Variants in NOX3 observed in about 807,000 individuals in gnomAD.
The protein encoded by NOX3 is NADPH oxidase catalytic subunit-like 3.
In NOX3, 74 loss-of-function variants were observed where a neutral mutation model predicts 76.7. The ratio of observed to expected loss-of-function variants is 0.96; its 90% CI spans 0.80 to 1.17. The LOEUF (loss-of-function observed/expected upper bound fraction) is 1.17. Among genes scored for constraint, NOX3 ranks in the 50% most tolerant of loss-of-function variants. The pLI is 0.00. For synonymous variants in NOX3, 263 were observed against 261.1 expected, an observed-to-expected ratio of 1.01 and a Z score of -0.07; for missense variants, 695 against 703.3, an observed-to-expected ratio of 0.99 and a Z score of 0.13.
At chr6:155,416,907 C>CG (rs1294998380) in intron 10 of NOX3, among the ~76,000 whole-genome samples, 1 of 151,916 alleles carries the variant, frequency 6.6e-6, no homozygotes, top group African/African-American at 2.4e-5. Flanking sequence ...CCTGACACCA[C>CG]GCCCGGCTAA....
chr6:155,448,526 G>A (rs925555018), intron 4 of NOX3, among the ~76,000 whole-genome samples: 1 of 150,672 alleles, frequency 6.6e-6, no homozygotes, highest in Non-Finnish European at 1.5e-5. Flanking sequence ...ACAATTTTGT[G>A]TTCTCCCCAA....
At chr6:155,415,844 T>G (rs926643208) in intron 10 of NOX3, among the ~76,000 whole-genome samples, 2 of 152,360 alleles carry the variant, frequency 1.3e-5, no homozygotes, top group African/African-American at 4.8e-5. Flanking sequence ...TAGCTGCTAT[T>G]GTTACTATCC....
At position 155,436,554 on chromosome 6, in the gene NOX3, A is replaced by G. The variant is rs1358917265; in HGVS notation, c.669-7T>C. On this transcript the variant is annotated splice_polypyrimidine_tract_variant and splice_region_variant and intron_variant, in intron 6 of 13. Coordinates refer to ENST00000159060, the MANE Select transcript of NOX3 (RefSeq NM_015718.3). Reference sequence around the variant, plus strand: ...TTGGCCTCGAACAATCCGACTTGTTATTTAAGAAAAGCAAAACAAAACAAA... The same window carrying G: ...TTGGCCTCGAACAATCCGACTTGTTGTTTAAGAAAAGCAAAACAAAACAAA... 6.2e-7 allele frequency: 1 copy of G among 1,609,266 alleles called. No individual in the cohort carries two copies. Among genetic ancestry groups the G allele is most frequent in the East Asian group, 2.2e-5 (1 of 44,882 alleles).
At chr6:155,444,096 G>T (rs1177430954) in intron 4 of NOX3, among the ~76,000 whole-genome samples, 1 of 152,146 alleles carries the variant, frequency 6.6e-6, no homozygotes, top group East Asian at 1.9e-4. Context: ...GAGAGATATT[G>T]TTTTTGTTCT....
rs1582928943 is a variant in NOX3, at chr6:155,410,316, TGTGC to T, written c.1455+894_1455+897del. Among the ~76,000 whole-genome samples the T allele has an allele frequency of 2.6e-5, 4 of 152,120 alleles. No homozygotes were observed. In the South Asian group the frequency reaches 8.3e-4, roughly 32 times the overall value. On this transcript the variant is annotated intron_variant, in intron 11 of 13. Coordinates refer to ENST00000159060, the MANE Select transcript of NOX3 (RefSeq NM_015718.3). ...AGGCCAGTGTGTGTGTGTGTGTGTGTGTGCGCACGCATGTGTGTGTATGTGTGAT... is the reference window on the plus strand; with the variant it reads ...AGGCCAGTGTGTGTGTGTGTGTGTGTGCACGCATGTGTGTGTATGTGTGAT...
In NOX3 at chr6:155,440,159, A is replaced by AC. The variant is rs765988736; in HGVS notation, c.487-23_487-22insG. On this transcript the variant is annotated intron_variant, in intron 5 of 13. Coordinates refer to ENST00000159060, the MANE Select transcript of NOX3 (RefSeq NM_015718.3). ...TGTTCTAAAAAAAACAACAACAACA[A>AC]AAAAAGAAACAAACAAAAAAAAACA... 8.4e-6 allele frequency: 13 copies of AC among 1,539,264 alleles called. No individual in the cohort carries two copies. In the South Asian group the frequency reaches 1.4e-4, roughly 16 times the overall value.
intron 11 of NOX3, among the ~76,000 whole-genome samples, chr6:155,409,707 A>C (rs370971774): frequency 6.6e-5 from 10 of 152,298 alleles, no homozygotes; most frequent in African/African-American, 2.2e-4. Context: ...TTTTTCCTTT[A>C]AATGTGGAAA....
intron 12 of NOX3, among the ~76,000 whole-genome samples, chr6:155,402,916 C>A (rs1363933866): frequency 6.6e-6 from 1 of 152,174 alleles, no homozygotes; most frequent in African/African-American, 2.4e-5. Flanking sequence ...CCCATCTTTG[C>A]CAAAAGATAT....
At position 155,443,314 on chromosome 6, in the gene NOX3, G is replaced by C; in HGVS notation, c.445C>G (p.Pro149Ala). Residue 149 changes from proline to alanine, a missense_variant, in exon 5 of 14, where the codon CCT becomes GCT. By Grantham distance (27) the Pro-to-Ala change is conservative. Transcript: ENST00000159060. ...LAALSKLGNT[P>A]NESYLNPVRT... ...ACAGGGTTGAGGTAGCTCTCGTTAG[G>C]GGTGTTGCCCAGCTTGGAAAGTGCG... 6.2e-7 allele frequency: 1 copy of C among 1,614,094 alleles called. No individual in the cohort carries two copies. Among genetic ancestry groups the C allele is most frequent in the Non-Finnish European group, 8.5e-7 (1 of 1,180,002 alleles).
chr6:155,414,499 T>C (rs1244225674), intron 10 of NOX3, among the ~76,000 whole-genome samples: 2 of 152,128 alleles, frequency 1.3e-5, no homozygotes, highest in African/African-American at 4.8e-5. Flanking sequence ...GAGTTTACTT[T>C]AAAAGATTTT....
chr6:155,447,655 C>T (rs961029018), intron 4 of NOX3, among the ~76,000 whole-genome samples: 7 of 152,196 alleles, frequency 4.6e-5, no homozygotes, highest in Admixed American at 1.3e-4. Flanking sequence ...CTTGCTCTCG[C>T]TACCTCCATT....
In NOX3 at chr6:155,455,744, G is replaced by T; in HGVS notation, c.48+9C>A. The T allele has an allele frequency of 6.2e-7, 1 of 1,605,792 alleles. No individual in the cohort carries two copies. Among genetic ancestry groups the T allele is most frequent in the Non-Finnish European group, 8.5e-7 (1 of 1,172,708 alleles). On this transcript the variant is annotated intron_variant, in intron 1 of 13. Transcript: ENST00000159060. ...ATATTTAAAGTTGAATAACAAAAAT[G>T]ATACTTACTACTAATATGGTGGAGA...
chr6:155,445,146 T>C (rs1777044828), intron 4 of NOX3, among the ~76,000 whole-genome samples: 2 of 152,218 alleles, frequency 1.3e-5, no homozygotes, highest in South Asian at 4.1e-4. Context: ...ATGCTTTTCC[T>C]GCAAATGAAA....
chr6:155,402,623 C>A (rs570876957), intron 12 of NOX3, among the ~76,000 whole-genome samples: 44 of 152,240 alleles, frequency 2.9e-4, no homozygotes, highest in Non-Finnish European at 5.4e-4. Context: ...TTGTACTACT[C>A]TCTTTGATCT....
chr6:155,403,621 C>T (rs907301140), intron 12 of NOX3, among the ~76,000 whole-genome samples: 9 of 152,126 alleles, frequency 5.9e-5, no homozygotes, highest in South Asian at 2.1e-4. Context: ...AGTACGTTTC[C>T]GCACTTCACT....
chr6:155,425,779 C>T lies in NOX3; in HGVS notation c.1146-2923G>A, dbSNP rs114193902. 9.4e-3 allele frequency among the ~76,000 whole-genome samples: 1,428 copies of T among 152,332 alleles called. 22 individuals carry two copies. The highest frequency in any genetic ancestry group is 0.033 in the African/African-American group (1,359 of 41,578). Reference sequence around the variant, plus strand: ...AAGTTGGGCTTTGAACCCAGCTCCTCTCACAGTGTGGGCCCCAGCTCTGGG... The same window carrying T: ...AAGTTGGGCTTTGAACCCAGCTCCTTTCACAGTGTGGGCCCCAGCTCTGGG... On this transcript the variant is annotated intron_variant, in intron 9 of 13. Coordinates refer to ENST00000159060, the MANE Select transcript of NOX3 (RefSeq NM_015718.3).
chr6:155,413,562 C>T (rs1000246185), intron 10 of NOX3, among the ~76,000 whole-genome samples: 3 of 152,066 alleles, frequency 2.0e-5, no homozygotes, highest in Non-Finnish European at 2.9e-5. Flanking sequence ...ATTTTATATT[C>T]GAGGTTGGTG....
chr6:155,423,356 A>G (rs1776715793), intron 9 of NOX3, among the ~76,000 whole-genome samples: 1 of 152,198 alleles, frequency 6.6e-6, no homozygotes, highest in Non-Finnish European at 1.5e-5. Flanking sequence ...GTCTAATGGA[A>G]GCTATTCATT....
intron 10 of NOX3, among the ~76,000 whole-genome samples, chr6:155,420,472 C>T (rs1440824060): frequency 6.6e-6 from 1 of 152,144 alleles, no homozygotes; most frequent in Non-Finnish European, 1.5e-5. Flanking sequence ...ATATCCCAGT[C>T]ACTGTTTTGC....
Sources: allele counts gnomAD v4.1 joint callset (sites outside exome capture counted in the v4.1 genomes callset), GRCh38; gene constraint gnomAD v4.1.1; transcripts MANE v1.5; gene names NCBI Gene and HGNC (gene_info 2026-07-23, HGNC 2026-07-21).